Variants in MORC1 observed in about 807,000 individuals in gnomAD.
The protein encoded by MORC1 is MORC family CW-type zinc finger protein 1.
MORC1 carries 59 observed loss-of-function variants against 134.9 expected under a neutral mutation model. The observed-to-expected ratio is 0.44, with a 90% confidence interval of 0.35 to 0.54. MORC1 has a LOEUF of 0.54. Among genes scored for constraint, MORC1 ranks in the 20% least tolerant of loss-of-function variants. MORC1 has a pLI of 0.00. For missense variants in MORC1, 947 were observed against 1,134.5 expected, an observed-to-expected ratio of 0.83 and a Z score of 2.37; for synonymous variants, 395 against 391.7, an observed-to-expected ratio of 1.01 and a Z score of -0.10.
chr3:109,099,938 T>C (rs926951367), intron 5 of MORC1, among the ~76,000 whole-genome samples: 1 of 152,166 alleles, frequency 6.6e-6, no homozygotes, highest in African/African-American at 2.4e-5. Flanking sequence ...ACCTAAAATG[T>C]TGTAAAGATA....
At chr3:109,024,033 A>G (rs1000441037) in intron 17 of MORC1, among the ~76,000 whole-genome samples, 1 of 152,234 alleles carries the variant, frequency 6.6e-6, no homozygotes, top group African/African-American at 2.4e-5. Flanking sequence ...TAGCTTATCA[A>G]TTACATGGAG....
chr3:109,117,986 G>A lies in MORC1; in HGVS notation c.65+9C>T, dbSNP rs749132080. On this transcript the variant is annotated intron_variant, in intron 1 of 27. Transcript: ENST00000232603. ...CCCTCCCCGACCCCGACCCCACCTC[G>A]GCACTCACGAGTTGGCGTGGATGAA... 9.4e-6 allele frequency: 15 copies of A among 1,589,924 alleles called. No homozygotes were observed. The highest frequency in any genetic ancestry group is 1.7e-5 in the Admixed American group (1 of 57,788).
chr3:109,093,585 A>G (rs1240747321), intron 7 of MORC1, 44 bp from the exon 8 acceptor site: 1 of 1,329,314 alleles, frequency 7.5e-7, no homozygotes, highest in East Asian at 2.3e-5. Context: ...TTTTAAATAC[A>G]CTAAATGCTA....
chr3:108,999,719 T>C (rs2107517897), intron 21 of MORC1, among the ~76,000 whole-genome samples: 1 of 152,344 alleles, frequency 6.6e-6, no homozygotes, highest in South Asian at 2.1e-4. Context: ...GCTACTGTAG[T>C]TACTCTTACG....
intron 8 of MORC1, among the ~76,000 whole-genome samples, chr3:109,088,852 T>C (rs908012639): frequency 1.3e-5 from 2 of 152,124 alleles, no homozygotes; most frequent in Non-Finnish European, 2.9e-5. Context: ...AAAGAAAATG[T>C]GGTACATATA....
At chr3:108,997,112 T>G (rs1297758286) in intron 21 of MORC1, among the ~76,000 whole-genome samples, 1 of 149,598 alleles carries the variant, frequency 6.7e-6, no homozygotes, top group Non-Finnish European at 1.5e-5. Context: ...CCACACCACA[T>G]GAATGACTTG....
intron 6 of MORC1, among the ~76,000 whole-genome samples, chr3:109,095,862 T>G (rs899261227): frequency 6.6e-6 from 1 of 152,092 alleles, no homozygotes; most frequent in African/African-American, 2.4e-5. Context: ...TTAGATCACA[T>G]TATTGTGACA....
Position 108,971,223 on chromosome 3 carries a change from C to T in MORC1, c.2550+107G>A, listed in dbSNP as rs773503692. The T allele has an allele frequency of 1.8e-4, 157 of 890,150 alleles. 3 individuals carry two copies. The highest frequency in any genetic ancestry group is 4.5e-5 in the Non-Finnish European group (25 of 558,466). The allele number at this position is 890,150 out of a possible 1,614,324, so 55.1% of individuals were successfully genotyped here. On this transcript the variant is annotated intron_variant, in intron 25 of 27. Transcript: ENST00000232603. ...TGGTATAAAGATGCTCATCTTTATT[C>T]ACTTAAGCCACTCTAGGTCCTCTTA...
chr3:109,059,868 A>G lies in MORC1; in HGVS notation c.969T>C (p.Asp323=), dbSNP rs1001297760. The change falls in exon 12 of 28, where the codon GAT becomes GAC. Residue 323 remains aspartate, a splice_region_variant and synonymous_variant. Transcript: ENST00000232603. ...CDRTSLSSAK[D]VLQRALEDVE... Reference sequence around the variant, plus strand: ...CATCTTCCAAAGCTCTCTGTAATACATCCTGGAGAAATGCATTGGTTGGGA... The same window carrying G: ...CATCTTCCAAAGCTCTCTGTAATACGTCCTGGAGAAATGCATTGGTTGGGA... 6.2e-7 allele frequency: 1 copy of G among 1,611,252 alleles called. No homozygotes were observed. The highest frequency in any genetic ancestry group is 1.7e-5 in the Admixed American group (1 of 59,604).
intron 6 of MORC1, 31 bp from the exon 7 acceptor site, chr3:109,095,099 T>C (rs368190123): frequency 5.9e-6 from 9 of 1,535,596 alleles, no homozygotes; most frequent in Non-Finnish European, 7.9e-6. Flanking sequence ...CAATTTACTA[T>C]GAAATACACA....
In MORC1 at chr3:108,979,578, G is replaced by A. The variant is rs770354780; in HGVS notation, c.2414C>T (p.Ser805Leu). ...SVSGSCKVAS[S>L]PASSQSTPVK... Reference sequence around the variant, plus strand: ...AGGTGTGCTTTGAGAAGACGCTGGCGAAGAAGCAACTTTACAACTGCCACT... The same window carrying A: ...AGGTGTGCTTTGAGAAGACGCTGGCAAAGAAGCAACTTTACAACTGCCACT... Residue 805 changes from serine to leucine, a missense_variant, in exon 24 of 28, where the codon TCG (serine) becomes TTG (leucine). By Grantham distance (145) the Ser-to-Leu change is moderately radical. Coordinates refer to ENST00000232603, the MANE Select transcript of MORC1 (RefSeq NM_014429.4). 32 of 1,614,108 alleles carry A rather than the reference G, an allele frequency of 2.0e-5. No homozygotes were observed. In the Admixed American group the frequency reaches 2.5e-4, roughly 13 times the overall value.
chr3:109,091,113 G>C (rs1950714042), intron 8 of MORC1, among the ~76,000 whole-genome samples: 1 of 152,048 alleles, frequency 6.6e-6, no homozygotes, highest in Non-Finnish European at 1.5e-5. Context: ...ATAACCTTGT[G>C]TGGTAAACTA....
chr3:108,981,967 G>C (rs1223997747), intron 23 of MORC1, among the ~76,000 whole-genome samples: 1 of 152,104 alleles, frequency 6.6e-6, no homozygotes, highest in African/African-American at 2.4e-5. Context: ...GAGTGAACAG[G>C]CAACCTACAG....
chr3:109,111,882 C>T (rs1309670214), intron 2 of MORC1, among the ~76,000 whole-genome samples: 6 of 152,204 alleles, frequency 3.9e-5, no homozygotes, highest in Non-Finnish European at 5.9e-5. Flanking sequence ...CCAATTGCTG[C>T]TTCTCAGCCC....
intron 3 of MORC1, chr3:109,109,912 A>C (rs898055589): frequency 8.5e-5 from 13 of 152,212 alleles, no homozygotes; most frequent in African/African-American, 2.7e-4. Flanking sequence ...ACTAAGCTAC[A>C]TACTCCAGCC....
chr3:109,060,147 G>T (rs1465274385), intron 11 of MORC1, among the ~76,000 whole-genome samples: 1 of 151,842 alleles, frequency 6.6e-6, no homozygotes, highest in African/African-American at 2.4e-5. Flanking sequence ...TGACACAACG[G>T]CTTTGACAAA....
At chr3:108,969,350 T>G (rs1287315405) in intron 26 of MORC1, among the ~76,000 whole-genome samples, 1 of 152,174 alleles carries the variant, frequency 6.6e-6, no homozygotes, top group Non-Finnish European at 1.5e-5. Context: ...ATTTAAAACT[T>G]TAAAATTTCT....
intron 8 of MORC1, among the ~76,000 whole-genome samples, chr3:109,092,196 C>G (rs1950742332): frequency 2.6e-5 from 4 of 152,016 alleles, no homozygotes. Flanking sequence ...CAGTGGTTCC[C>G]AGCATTTGTG....
intron 17 of MORC1, among the ~76,000 whole-genome samples, chr3:109,018,425 C>T (rs1948868992): frequency 6.6e-6 from 1 of 152,064 alleles, no homozygotes; most frequent in Non-Finnish European, 1.5e-5. Flanking sequence ...TCTGGGACCA[C>T]AGAGACAAGA....
Sources: allele counts gnomAD v4.1 joint callset (sites outside exome capture counted in the v4.1 genomes callset), GRCh38; gene constraint gnomAD v4.1.1; transcripts MANE v1.5; gene names NCBI Gene and HGNC (gene_info 2026-07-23, HGNC 2026-07-21).